KRABD3: variants seen among roughly 807,000 people sequenced by gnomAD.
KRABD3 encodes KRAB domain-containing protein 3.
the KRABD3 span, among the ~76,000 whole-genome samples, chr7:149,727,889 G>C: frequency 2.2e-4 from 33 of 152,194 alleles, no homozygotes; most frequent in Admixed American, 3.9e-4. Context: ...TGGACATTCA[G>C]AAGTTCTGAG....
chr7:149,720,896 A>G, the KRABD3 span: 49 of 1,611,700 alleles, frequency 3.0e-5, no homozygotes, highest in Admixed American at 8.2e-4. Context: ...AGGAGATCCC[A>G]GAGTTCTTGT....
the KRABD3 span, chr7:149,731,663 T>C: frequency 3.1e-6 from 5 of 1,603,978 alleles, no homozygotes; most frequent in Admixed American, 5.1e-5. Flanking sequence ...CTCTGTGCTC[T>C]TTCTATAGGT....
the KRABD3 span, among the ~76,000 whole-genome samples, chr7:149,718,513 C>CTTTTTTTTTTTT: frequency 1.2e-5 from 1 of 81,970 alleles, no homozygotes; most frequent in Non-Finnish European, 2.2e-5. Flanking sequence ...CACTGAAGGA[C>CTTTTTTTTTTTT]TTTTTTTTTT....
chr7:149,730,078 C>T, the KRABD3 span: 1 of 1,431,740 alleles, frequency 7.0e-7, no homozygotes, highest in East Asian at 2.5e-5. Context: ...TTCTGTGTGC[C>T]CAGACACTAA....
At chr7:149,719,453 C>G in the KRABD3 span, 1 of 1,362,678 alleles carries the variant, frequency 7.3e-7, no homozygotes, top group South Asian at 1.4e-5. This position sits in a 1 kb window ranked among gnomAD's most constrained non-coding sequence, Gnocchi z 5.6. Context: ...GAGTGTGCGC[C>G]TGGAGGCCTA....
At chr7:149,730,820 G>A in the KRABD3 span, 1 of 546,452 alleles carries the variant, frequency 1.8e-6, no homozygotes. Context: ...GTTTGCGCTT[G>A]CTAATATACA....
At chr7:149,721,522 T>C in the KRABD3 span, 4 of 1,611,504 alleles carry the variant, frequency 2.5e-6, no homozygotes, top group Non-Finnish European at 3.4e-6. Context: ...TCCAGGGAAG[T>C]CCTCTCCCCA....
chr7:149,722,892 C>G, the KRABD3 span: 1 of 1,613,474 alleles, frequency 6.2e-7, no homozygotes, highest in African/African-American at 1.3e-5. Flanking sequence ...TGCCACCTCT[C>G]CCTAGCCTGG....
At chr7:149,715,101 G>A in the KRABD3 span, 5 of 1,230,852 alleles carry the variant, frequency 4.1e-6, no homozygotes, top group Non-Finnish European at 5.1e-6. Flanking sequence ...CCTCGGCGCA[G>A]TGCGGCCCCG....
the KRABD3 span, chr7:149,720,010 A>G: frequency 4.5e-6 from 7 of 1,543,250 alleles, no homozygotes; most frequent in Admixed American, 1.2e-4. Context: ...TTTCCCAGGG[A>G]CAGCTGAGCT....
At chr7:149,733,868 C>T in the KRABD3 span, 1 of 1,593,516 alleles carries the variant, frequency 6.3e-7, no homozygotes, top group Non-Finnish European at 8.5e-7. Context: ...CTTACCCCTG[C>T]AGGGAGCCTC....
At chr7:149,730,773 G>A in the KRABD3 span, 1 of 650,118 alleles carries the variant, frequency 1.5e-6, no homozygotes, top group Non-Finnish European at 2.6e-6. Context: ...CAGCTGCAGG[G>A]AGGTCTGAGC....
the KRABD3 span, chr7:149,728,653 G>T: frequency 6.2e-7 from 1 of 1,613,584 alleles, no homozygotes; most frequent in Non-Finnish European, 8.5e-7. Flanking sequence ...CAGAGCCCAG[G>T]AACTGGACAG....
chr7:149,730,311 G>C, the KRABD3 span: 3 of 1,547,864 alleles, frequency 1.9e-6, no homozygotes, highest in Non-Finnish European at 2.6e-6. Context: ...CCCGAGGCCA[G>C]AGCCTGATCT....
the KRABD3 span, chr7:149,730,085 C>T: frequency 6.9e-7 from 1 of 1,442,126 alleles, no homozygotes; most frequent in East Asian, 2.5e-5. Context: ...TGCCCAGACA[C>T]TAAGGCAGAG....
the KRABD3 span, among the ~76,000 whole-genome samples, chr7:149,715,885 C>T: frequency 6.6e-6 from 1 of 152,144 alleles, no homozygotes; most frequent in African/African-American, 2.4e-5. Flanking sequence ...CTAGGGACAC[C>T]CTGGTTCAGA....
the KRABD3 span, chr7:149,729,177 C>T: frequency 6.8e-7 from 1 of 1,479,812 alleles, no homozygotes; most frequent in African/African-American, 1.4e-5. Flanking sequence ...TCTGATTTCT[C>T]ATTAAAACAG....
chr7:149,725,931 G>A, the KRABD3 span: 1 of 1,599,956 alleles, frequency 6.3e-7, no homozygotes. Flanking sequence ...GCAGAGCTGT[G>A]TGAGAGATGG....
At chr7:149,722,909 C>A in the KRABD3 span, 4 of 1,613,008 alleles carry the variant, frequency 2.5e-6, no homozygotes, top group Non-Finnish European at 3.4e-6. Flanking sequence ...CTGGGCACGT[C>A]CAGGCTAACC....
Sources: gnomAD v4.1 joint callset for allele counts (sites outside exome capture counted in the v4.1 genomes callset) on GRCh38, gnomAD v4.1.1 for gene constraint, Gnocchi (gnomAD v3.1) non-coding constraint, MANE v1.5 for transcripts, NCBI Gene and HGNC (gene_info 2026-07-23, HGNC 2026-07-21) for gene names.